CSGALNACT1: variants seen among roughly 807,000 people sequenced by gnomAD.
CSGALNACT1 encodes the protein chondroitin sulfate N-acetylgalactosaminyltransferase 1.
CSGALNACT1 carries 52 observed loss-of-function variants against 51.0 expected under a neutral mutation model. That is an observed-to-expected ratio of 1.02 (90% confidence interval 0.82 to 1.29). The LOEUF is 1.29. CSGALNACT1 is among the 50% of genes most tolerant of loss of function. The probability of loss-of-function intolerance (pLI) is 0.00; values close to 1 mark genes in which losing one functional copy is unlikely to be tolerated. For synonymous variants in CSGALNACT1, 341 were observed against 254.4 expected (o/e 1.34, Z -3.24); for missense variants, 935 against 679.2 (o/e 1.38, Z -4.19).
chr8:19,685,424 T>A (rs986539155), upstream of CSGALNACT1, among the ~76,000 whole-genome samples: 8 of 152,070 alleles, frequency 5.3e-5, no homozygotes, highest in Non-Finnish European at 2.9e-5. Flanking sequence ...TGCCAGAGGC[T>A]GCAGTGAGTC....
chr8:19,493,458 G>T (rs1319460651), intron 4 of CSGALNACT1, among the ~76,000 whole-genome samples: 1 of 144,150 alleles, frequency 6.9e-6, no homozygotes, highest in Non-Finnish European at 1.5e-5. Flanking sequence ...TTCTCCAAAA[G>T]AAACTAAGTA....
chr8:19,408,467 G>T (rs1320355902), intron 9 of CSGALNACT1, 146 bp downstream of exon 8: 3 of 606,560 alleles, frequency 4.9e-6, no homozygotes, highest in African/African-American at 5.0e-5. Flanking sequence ...GTCTGGAATA[G>T]CTTTTTTTTT....
chr8:19,726,822 G>C (rs17091140), intron 1 of CSGALNACT1, among the ~76,000 whole-genome samples: 58,711 of 151,990 alleles, frequency 0.39, 11,731 homozygotes, highest in East Asian at 0.62. Flanking sequence ...CAACAGGAAC[G>C]GATTCTGACT....
At chr8:19,404,214 G>T in exon 10 of CSGALNACT1, 1 of 391,564 alleles carries the variant, frequency 2.6e-6, no homozygotes, top group Non-Finnish European at 5.1e-6. Flanking sequence ...TCCATTCATG[G>T]CCTGTGTTTT....
upstream of CSGALNACT1, among the ~76,000 whole-genome samples, chr8:19,686,406 A>G (rs2060980002): frequency 6.6e-6 from 1 of 152,220 alleles, no homozygotes; most frequent in South Asian, 2.1e-4. Context: ...CAGGAGCTAC[A>G]GGAGTCTTGC....
intron 4 of CSGALNACT1, among the ~76,000 whole-genome samples, chr8:19,489,502 A>G (rs2073885101): frequency 6.6e-6 from 1 of 152,084 alleles, no homozygotes; most frequent in Non-Finnish European, 1.5e-5. Flanking sequence ...TCTTCTTCCT[A>G]TCCCCTCTGT....
intron 5 of CSGALNACT1, among the ~76,000 whole-genome samples, chr8:19,453,199 A>C (rs1474672706): frequency 6.6e-6 from 1 of 152,180 alleles, no homozygotes; most frequent in African/African-American, 2.4e-5. Flanking sequence ...AAAATTTCTT[A>C]GACATGTTTC....
chr8:19,457,642 T>C, intron 5 of CSGALNACT1: 2 of 1,277,962 alleles, frequency 1.6e-6, no homozygotes, highest in Non-Finnish European at 2.0e-6. Flanking sequence ...ATCAGCTTGA[T>C]CTTTCAAGAT....
chr8:19,427,468 C>T (rs1020493593), intron 6 of CSGALNACT1, among the ~76,000 whole-genome samples: 1 of 152,188 alleles, frequency 6.6e-6, no homozygotes, highest in Non-Finnish European at 1.5e-5. Flanking sequence ...TGGCATGAGG[C>T]CTCCAGCATG....
rs150187778 is a variant in CSGALNACT1, at chr8:19,677,163, C to T, written c.-544+5310G>A. Among the ~76,000 whole-genome samples the T allele has an allele frequency of 3.1e-3, 478 of 152,092 alleles. 4 individuals carry two copies. The highest frequency in any genetic ancestry group is 0.011 in the African/African-American group (456 of 41,498). ...TCACTCTGTCACCCAGGATGGAATA[C>T]AGTCTTATAATCTCTACTCACTGCA... On this transcript the variant is annotated intron_variant, in intron 1 of 9. Transcript: ENST00000332246.
intron 1 of CSGALNACT1, among the ~76,000 whole-genome samples, chr8:19,611,836 A>T (rs1300530437): frequency 2.0e-5 from 3 of 152,108 alleles, no homozygotes; most frequent in African/African-American, 4.8e-5. Context: ...GGAGGAAAAA[A>T]AATATGACCG....
chr8:19,606,465 C>G (rs1474231564), upstream of CSGALNACT1, among the ~76,000 whole-genome samples: 4 of 152,174 alleles, frequency 2.6e-5, no homozygotes, highest in South Asian at 2.1e-4. Context: ...TGTTACTATA[C>G]AATATCCTTA....
At chr8:19,420,367 T>G in exon 7 of CSGALNACT1, 3 of 1,614,164 alleles carry the variant, frequency 1.9e-6, no homozygotes, top group South Asian at 1.1e-5. Flanking sequence ...CTACACGTAT[T>G]GAGGAATTCA....
At chr8:19,600,695 G>C (rs923490434) in intron 2 of CSGALNACT1, among the ~76,000 whole-genome samples, 2 of 151,636 alleles carry the variant, frequency 1.3e-5, no homozygotes, top group African/African-American at 4.9e-5. Context: ...TCTATTGTTA[G>C]TAACTGAAAT....
chr8:19,651,908 G>A lies in CSGALNACT1; in HGVS notation c.-544+30565C>T, dbSNP rs577844090. Among the ~76,000 whole-genome samples the A allele has an allele frequency of 6.9e-5, 9 of 130,252 alleles. No homozygotes were observed. In the East Asian group the frequency reaches 1.5e-3, roughly 22 times the overall value. 85.5% of individuals were successfully genotyped at this position (130,252 alleles called of 152,430 possible). A position where few individuals can be genotyped will look rare whatever the true frequency, so the allele number is the denominator to read the frequency against. On this transcript the variant is annotated intron_variant, in intron 1 of 9. Transcript: ENST00000332246. Reference sequence around the variant, plus strand: ...TGTGTTTCCTTTTCTCTACAACCTCGCTGTCTGTTTTTTTTTGTTTTGTTT... The same window carrying A: ...TGTGTTTCCTTTTCTCTACAACCTCACTGTCTGTTTTTTTTTGTTTTGTTT...
chr8:19,469,478 G>A (rs979261478), intron 4 of CSGALNACT1, among the ~76,000 whole-genome samples: 1 of 152,198 alleles, frequency 6.6e-6, no homozygotes, highest in Non-Finnish European at 1.5e-5. Flanking sequence ...TTATCAATAA[G>A]TTTCAGGGGT....
At chr8:19,601,814 G>C (rs28558562) in exon 2 of CSGALNACT1, 111,615 of 453,602 alleles carry the variant, frequency 0.25, 16,412 homozygotes, top group African/African-American at 0.53. Flanking sequence ...CTACATCATT[G>C]CTCCTCTGGG....
At chr8:19,435,373 G>A (rs1279209597) in intron 6 of CSGALNACT1, among the ~76,000 whole-genome samples, 2 of 151,842 alleles carry the variant, frequency 1.3e-5, no homozygotes, top group African/African-American at 4.8e-5. Flanking sequence ...TGCGCCTATA[G>A]TCCTAGCTAC....
At chr8:19,730,015 G>A (rs910091279) in intron 1 of CSGALNACT1, among the ~76,000 whole-genome samples, 3 of 152,108 alleles carry the variant, frequency 2.0e-5, no homozygotes, top group Admixed American at 1.3e-4. Flanking sequence ...CAGAGGGAGC[G>A]ATCTCAGACA....
Sources: gnomAD v4.1 joint callset for allele counts (sites outside exome capture counted in the v4.1 genomes callset) on GRCh38, gnomAD v4.1.1 for gene constraint, MANE v1.5 for transcripts, NCBI Gene and HGNC (gene_info 2026-07-23, HGNC 2026-07-21) for gene names.